ZFHX3: variants seen among roughly 807,000 people sequenced by gnomAD.
ZFHX3 encodes the protein zinc finger homeobox 3, also known as zinc finger homeobox protein 3.
ZFHX3 carries 42 observed loss-of-function variants against 279.1 expected under a neutral mutation model. That is an observed-to-expected ratio of 0.15 (90% CI 0.12 to 0.19). The LOEUF is 0.19. Ranked by LOEUF, ZFHX3 falls within the 10% of genes least tolerant of loss-of-function variation. The pLI is 1.00. For missense variants in ZFHX3, 4,981 were observed against 4,754.0 expected (o/e 1.05, Z -1.40); for synonymous variants, 2,293 against 1,957.8 (o/e 1.17, Z -4.52).
At chr16:73,716,853 G>A (rs796848016) in intron 1 of ZFHX3, among the ~76,000 whole-genome samples, 1 of 151,838 alleles carries the variant, frequency 6.6e-6, no homozygotes, top group Non-Finnish European at 1.5e-5. Flanking sequence ...CAGCCGGCTC[G>A]CTCTCTGCAT....
chr16:73,412,327 A>C (rs1470075832), intron 3 of ZFHX3, among the ~76,000 whole-genome samples: 1 of 31,894 alleles, frequency 3.1e-5, no homozygotes, highest in East Asian at 8.1e-4. Flanking sequence ...AGACTGTTTC[A>C]AAAAAAAAAA....
intron 4 of ZFHX3, among the ~76,000 whole-genome samples, chr16:73,304,322 T>A (rs1419824134): frequency 6.6e-6 from 1 of 152,106 alleles, no homozygotes; most frequent in East Asian, 1.9e-4. Flanking sequence ...CTGGGTGACT[T>A]TGGAACAATA....
At chr16:73,719,784 C>T (rs1475402862) in intron 1 of ZFHX3, among the ~76,000 whole-genome samples, 2 of 146,530 alleles carry the variant, frequency 1.4e-5, no homozygotes, top group East Asian at 4.1e-4. Flanking sequence ...CAGGCATGCA[C>T]CACCAAGCCC....
At chr16:73,503,960 T>C (rs951052070) in intron 2 of ZFHX3, among the ~76,000 whole-genome samples, 1 of 152,198 alleles carries the variant, frequency 6.6e-6, no homozygotes, top group African/African-American at 2.4e-5. Flanking sequence ...GCTCTAGAAA[T>C]AGTTTTGTAT....
At chr16:73,564,646 A>G (rs567250983) in intron 2 of ZFHX3, among the ~76,000 whole-genome samples, 20 of 152,212 alleles carry the variant, frequency 1.3e-4, no homozygotes, top group African/African-American at 4.8e-4. Flanking sequence ...TGTATTCTAT[A>G]ATCAGGCCCT....
intron 2 of ZFHX3, among the ~76,000 whole-genome samples, chr16:73,537,284 C>T (rs560734551): frequency 4.2e-4 from 61 of 146,358 alleles, no homozygotes; most frequent in Admixed American, 1.2e-3. Context: ...CTGATTCCGG[C>T]TCTAAATCTA....
intron 1 of ZFHX3, among the ~76,000 whole-genome samples, chr16:73,699,950 G>A (rs2053231648): frequency 6.6e-6 from 1 of 152,166 alleles, no homozygotes; most frequent in African/African-American, 2.4e-5. Flanking sequence ...CTGGCTGGGT[G>A]CAGTGGCTCA....
chr16:73,553,969 T>G (rs2020239153), intron 2 of ZFHX3, among the ~76,000 whole-genome samples: 1 of 152,204 alleles, frequency 6.6e-6, no homozygotes, highest in African/African-American at 2.4e-5. Context: ...GCGGCTGCAT[T>G]TCACACGGTT....
At chr16:73,103,036 T>C (rs1337914554) in intron 7 of ZFHX3, among the ~76,000 whole-genome samples, 1 of 152,126 alleles carries the variant, frequency 6.6e-6, no homozygotes. Flanking sequence ...TCGATTCTCC[T>C]GCCTCAGCCT....
rs762160715 is a variant in ZFHX3 at position 72,787,627 on chromosome 16, G to A, written c.10649C>T (p.Ser3550Leu). ...GEEALSQHLE[S>L]ALHKHRTITR... ...GATTGTTCTGTGTTTGTGCAAGGCC[G>A]ACTCGAGATGTTGACTCAGAGCTTC... Residue 3550 changes from serine (S) to leucine (L), a missense_variant, in exon 10 of 10, where the codon TCG becomes TTG. This residue lies in a region of ZFHX3 where 1,034 missense variants were observed against 786.0 expected (regional missense o/e 1.32). Coordinates refer to ENST00000268489, the MANE Select transcript of ZFHX3 (RefSeq NM_006885.4). 5.0e-6 allele frequency: 8 copies of A among 1,612,220 alleles called. No individual in the cohort carries two copies. The Admixed American group carries it at 8.4e-5, about 17-fold the overall frequency.
At chr16:72,906,595 G>T (rs1046469249) in intron 3 of ZFHX3, among the ~76,000 whole-genome samples, 2 of 152,102 alleles carry the variant, frequency 1.3e-5, no homozygotes. Context: ...TCAGGAGTTC[G>T]AGACCAGCCT....
Position 72,785,060 on chromosome 16 carries a change from G to GAAAC in ZFHX3, c.*2100_*2103dup, listed in dbSNP as rs967574603. On this transcript the variant is annotated 3_prime_UTR_variant, in exon 10 of 10. Transcript: ENST00000268489. ...TTCACAGTCTTCAAAGTTCCCTTTT[G>GAAAC]AAACATAAGGAAGAAAACGAAGGGA... 8 of 151,226 alleles carry GAAAC rather than the reference G, an allele frequency of 5.3e-5. No individual in the cohort carries two copies. Among genetic ancestry groups the GAAAC allele is most frequent in the African/African-American group, 1.7e-4 (7 of 41,534 alleles). The allele number at this position is 151,226 out of a possible 1,614,324, so 9.4% of individuals were successfully genotyped here. A position where few individuals can be genotyped will look rare whatever the true frequency, so the allele number is the denominator to read the frequency against.
intron 1 of ZFHX3, among the ~76,000 whole-genome samples, chr16:73,716,915 A>T (rs904840565): frequency 6.6e-6 from 1 of 152,014 alleles, no homozygotes; most frequent in Non-Finnish European, 1.5e-5. Context: ...TTTTCAAGTA[A>T]ATCCATCATA....
At chr16:72,886,543 T>C (rs1404547584) in intron 4 of ZFHX3, among the ~76,000 whole-genome samples, 1 of 152,138 alleles carries the variant, frequency 6.6e-6, no homozygotes, top group African/African-American at 2.4e-5. Context: ...CTGTTTAGTG[T>C]GGGGCACCTC....
intron 8 of ZFHX3, among the ~76,000 whole-genome samples, chr16:73,067,100 G>A (rs1488368691): frequency 1.3e-5 from 2 of 152,160 alleles, no homozygotes; most frequent in Admixed American, 1.3e-4. Context: ...CCAAGGAGGC[G>A]GGAGTGGGTG....
intron 1 of ZFHX3, among the ~76,000 whole-genome samples, chr16:73,788,007 G>A (rs558170993): frequency 6.6e-6 from 1 of 152,302 alleles, no homozygotes; most frequent in African/African-American, 2.4e-5. Flanking sequence ...AGAGGTGCAA[G>A]CTGAGTTTAA....
intron 4 of ZFHX3, among the ~76,000 whole-genome samples, chr16:73,287,520 ATGTGTGGC>A (rs2014651562): frequency 5.7e-5 from 3 of 52,472 alleles, no homozygotes; most frequent in Admixed American, 2.3e-4. Context: ...TGATGTGTGC[ATGTGTGGC>A]TGTGTGGGTG....
intron 3 of ZFHX3, among the ~76,000 whole-genome samples, chr16:73,425,433 C>T (rs1278773125): frequency 6.6e-6 from 1 of 152,140 alleles, no homozygotes; most frequent in Non-Finnish European, 1.5e-5. Flanking sequence ...CTCATATAAT[C>T]GTCACAATTC....
At position 72,849,860 on chromosome 16, in the gene ZFHX3, C is replaced by CAAAAAAAA. The variant is rs542156633; in HGVS notation, c.3449-20009_3449-20002dup. On this transcript the variant is annotated intron_variant, in intron 4 of 9. Coordinates refer to ENST00000268489, the MANE Select transcript of ZFHX3 (RefSeq NM_006885.4). Reference sequence around the variant, plus strand: ...TCTCTGCCACTTGGAGTTCACCTACCAAAAAAAAAAAAAAAAAAAAAAAAA... The same window carrying CAAAAAAAA: ...TCTCTGCCACTTGGAGTTCACCTACCAAAAAAAAAAAAAAAAAAAAAAAAAAAAAAAAA... Among the ~76,000 whole-genome samples, 40 of 56,560 alleles carry CAAAAAAAA rather than the reference C, an allele frequency of 7.1e-4. 6 individuals carry two copies. Among genetic ancestry groups the CAAAAAAAA allele is most frequent in the African/African-American group, 8.7e-4 (11 of 12,588 alleles). 37.1% of individuals were successfully genotyped at this position (56,560 alleles called of 152,430 possible).
Sources: gnomAD v4.1 joint callset for allele counts (sites outside exome capture counted in the v4.1 genomes callset) on GRCh38, gnomAD v4.1.1 for gene constraint, gnomAD v4.1.1 regional missense constraint, MANE v1.5 for transcripts, NCBI Gene and HGNC (gene_info 2026-07-23, HGNC 2026-07-21) for gene names.